WDR20: variants seen among roughly 807,000 people sequenced by gnomAD.
WDR20 encodes the protein WD repeat domain 20, also known as WD repeat-containing protein 20.
A neutral mutation model predicts 38.7 loss-of-function variants in WDR20; 3 were observed. That is an observed-to-expected ratio of 0.08 (90% CI 0.04 to 0.20). The LOEUF (loss-of-function observed/expected upper bound fraction) is 0.20, where lower values mean the gene tolerates loss of function less well. WDR20 is among the 10% of genes least tolerant of loss of function. The pLI, the probability that WDR20 is intolerant of heterozygous loss-of-function variation, is 1.00. For missense variants in WDR20, 559 were observed against 727.7 expected (o/e 0.77, Z 2.67); for synonymous variants, 298 against 285.6 (o/e 1.04, Z -0.44).
At chr14:102,172,757 G>T (rs1411592017) in intron 1 of WDR20, among the ~76,000 whole-genome samples, 22 of 149,010 alleles carry the variant, frequency 1.5e-4, no homozygotes, top group Non-Finnish European at 3.0e-4. Context: ...GGGCGGAGAC[G>T]CTCCTCACTT....
chr14:102,213,085 G>A, downstream of WDR20: 2 of 987,068 alleles, frequency 2.0e-6, no homozygotes, highest in Non-Finnish European at 2.4e-6. Flanking sequence ...CCAGGCCAGG[G>A]CCAGGGGAGC....
At chr14:102,213,078 G>C, downstream of WDR20, 3 of 987,748 alleles carry the variant, frequency 3.0e-6, no homozygotes, top group African/African-American at 3.5e-5. Flanking sequence ...GAAGGTGCCA[G>C]GCCAGGGCCA....
chr14:102,178,924 T>C (rs1438407088), intron 1 of WDR20: 1 of 152,010 alleles, frequency 6.6e-6, no homozygotes, highest in Non-Finnish European at 1.5e-5. Flanking sequence ...TATATAGAGA[T>C]GAGAGAGGGG....
intron 1 of WDR20, among the ~76,000 whole-genome samples, chr14:102,163,820 G>A (rs1385241804): frequency 1.3e-5 from 2 of 152,038 alleles, no homozygotes; most frequent in African/African-American, 2.4e-5. Context: ...CTATCCTGGT[G>A]TCCTGGAGAA....
chr14:102,165,219 C>T (rs558370499), intron 1 of WDR20, among the ~76,000 whole-genome samples: 86 of 152,310 alleles, frequency 5.6e-4, no homozygotes, highest in African/African-American at 1.9e-3. Flanking sequence ...CCCTCCTCAG[C>T]TCCAGAGCTC....
intron 1 of WDR20, among the ~76,000 whole-genome samples, chr14:102,151,217 G>T (rs1235493397): frequency 4.1e-5 from 5 of 123,360 alleles, no homozygotes; most frequent in Non-Finnish European, 8.0e-5. Flanking sequence ...AGAGATTGTA[G>T]TGTGTCCACG....
In WDR20 at chr14:102,140,121, C is replaced by T; in HGVS notation, c.198C>T (p.Cys66=). The stretch of plus-strand genomic sequence containing the variant: ...AGTCTGGCAACGGCGACCGCCTCTG[C>T]TTCAATGTGGGCCGGGAGCTGTACT... ...NDQSGNGDRL[C]FNVGRELYFY... Residue 66 remains cysteine (C), a synonymous_variant, in exon 1 of 3, where the codon TGC becomes TGT. Transcript: ENST00000342702. 1 of 1,614,110 alleles carries T rather than the reference C, an allele frequency of 6.2e-7. No homozygotes were observed. Among genetic ancestry groups the T allele is most frequent in the Non-Finnish European group, 8.5e-7 (1 of 1,180,048 alleles).
intron 2 of WDR20, among the ~76,000 whole-genome samples, chr14:102,202,549 T>C (rs2060643536): frequency 6.6e-6 from 1 of 151,626 alleles, no homozygotes. Context: ...CCAGCTAATT[T>C]TTTTGTATTT....
At position 102,207,274 on chromosome 14, in the gene WDR20, C is replaced by A. The variant is rs1370514921; in HGVS notation, c.433-1329C>A. Among the ~76,000 whole-genome samples the A allele has an allele frequency of 6.6e-6, 1 of 152,236 alleles. No homozygotes were observed. The highest frequency in any genetic ancestry group is 1.5e-5 in the Non-Finnish European group (1 of 68,030). On this transcript the variant is annotated intron_variant, in intron 2 of 2. Coordinates refer to ENST00000342702, the MANE Select transcript of WDR20 (RefSeq NM_144574.4). This position sits in a 1 kb window ranked among gnomAD's most constrained non-coding sequence, Gnocchi z 5.0. ...GGGTCCTTTGTTAGCAGCCTACTTT[C>A]TAGGGTCTAATGTTCATGCAGTGAG...
At chr14:102,214,096 G>T, downstream of WDR20, 4 of 985,588 alleles carry the variant, frequency 4.1e-6, no homozygotes, top group Non-Finnish European at 4.8e-6. Flanking sequence ...GGCGGTCGGT[G>T]TGCCCTTGGC....
Position 102,209,688 on chromosome 14 carries a change from T to G in WDR20, c.1518T>G (p.Ala506=). The part of the protein sequence containing the change: ...NLVTKTKTDP[A]KTLGTPLCPR... The stretch of plus-strand genomic sequence containing the variant: ...TTACCAAAACCAAAACGGACCCTGC[T>G]AAAACTCTGGGAACGCCCCTGTGTC... The change falls in exon 3 of 3, where the codon GCT becomes GCG. Residue 506 remains alanine (A), a synonymous_variant. Coordinates refer to ENST00000342702, the MANE Select transcript of WDR20 (RefSeq NM_144574.4). The surrounding 1 kb of genome is among the most constrained non-coding windows in gnomAD (Gnocchi z 6.0). 2 of 1,614,156 alleles carry G rather than the reference T, an allele frequency of 1.2e-6. No individual in the cohort carries two copies. The highest frequency in any genetic ancestry group is 8.5e-7 in the Non-Finnish European group (1 of 1,180,032).
chr14:102,198,606 G>A (rs1384149286), intron 2 of WDR20, among the ~76,000 whole-genome samples: 1 of 152,226 alleles, frequency 6.6e-6, no homozygotes, highest in African/African-American at 2.4e-5. Context: ...GGTTTACCTG[G>A]GGAAGGTGGC....
At chr14:102,212,599 GAGA>G (rs1296401719), downstream of WDR20, 1 of 1,535,630 alleles carries the variant, frequency 6.5e-7, no homozygotes, top group Non-Finnish European at 8.7e-7. Flanking sequence ...CCAACAGCTT[GAGA>G]AGAGGGCACT....
chr14:102,144,347 T>C (rs2052742198), intron 1 of WDR20, among the ~76,000 whole-genome samples: 1 of 152,006 alleles, frequency 6.6e-6, no homozygotes, highest in African/African-American at 2.4e-5. Flanking sequence ...CTGGGCGTGG[T>C]GGTGCTTGCC....
At chr14:102,142,784 T>G (rs893595366) in intron 1 of WDR20, among the ~76,000 whole-genome samples, 2 of 149,758 alleles carry the variant, frequency 1.3e-5, no homozygotes, top group Admixed American at 6.7e-5. Flanking sequence ...CTTTTTTTTT[T>G]TTTTTTTTTT....
intron 2 of WDR20, among the ~76,000 whole-genome samples, chr14:102,199,654 C>T (rs960246541): frequency 4.6e-5 from 7 of 152,164 alleles, no homozygotes; most frequent in African/African-American, 1.7e-4. Flanking sequence ...ATCAGTTACT[C>T]TGGCCTTTGC....
In WDR20 at chr14:102,222,457, T is replaced by C. The variant is rs961185572; in HGVS notation, c.1693-373T>C. Among the ~76,000 whole-genome samples the C allele has an allele frequency of 2.6e-5, 4 of 152,168 alleles. No homozygotes were observed. Among genetic ancestry groups the C allele is most frequent in the African/African-American group, 9.7e-5 (4 of 41,440 alleles). On this transcript the variant is annotated intron_variant, in intron 3 of 3. Coordinates refer to the WDR20 transcript ENST00000335263. This position sits in a 1 kb window ranked among gnomAD's most constrained non-coding sequence, Gnocchi z 4.4. Reference sequence around the variant, plus strand: ...GGTCCAGAACTGCGGTGCCCTGGGCTCAACCCTGGCTGAAGGCGCTGAACA... The same window carrying C: ...GGTCCAGAACTGCGGTGCCCTGGGCCCAACCCTGGCTGAAGGCGCTGAACA...
intron 2 of WDR20, among the ~76,000 whole-genome samples, chr14:102,197,262 A>T (rs1596679629): frequency 6.6e-6 from 1 of 152,214 alleles, no homozygotes; most frequent in South Asian, 2.1e-4. Context: ...CCCACCATGC[A>T]TGGTTGCCAG....
intron 1 of WDR20, among the ~76,000 whole-genome samples, chr14:102,182,042 C>T (rs1887716341): frequency 1.3e-5 from 2 of 152,084 alleles, no homozygotes; most frequent in Non-Finnish European, 2.9e-5. Flanking sequence ...ACTGTGTAAC[C>T]CTTTTAGCTG....
Sources: allele counts gnomAD v4.1 joint callset (sites outside exome capture counted in the v4.1 genomes callset), GRCh38; gene constraint gnomAD v4.1.1; non-coding constraint Gnocchi (gnomAD v3.1); transcripts MANE v1.5; gene names NCBI Gene and HGNC (gene_info 2026-07-23, HGNC 2026-07-21).